The following OR2L13 variants were observed in gnomAD, a reference collection of about 807,000 sequenced individuals.
OR2L13 encodes olfactory receptor family 2 subfamily L member 13, also known as olfactory receptor 2L13.
A neutral mutation model predicts 15.3 loss-of-function variants in OR2L13; 14 were observed. That is an observed-to-expected ratio of 0.91 (90% CI 0.60 to 1.43). The LOEUF is 1.43. Ranked by LOEUF, OR2L13 falls within the 40% of genes most tolerant of loss-of-function variation. OR2L13 has a pLI of 0.00. For synonymous variants in OR2L13, 152 were observed against 142.9 expected, an observed-to-expected ratio of 1.06 and a Z score of -0.45; for missense variants, 367 against 387.9, an observed-to-expected ratio of 0.95 and a Z score of 0.45.
the OR2L13 span, among the ~76,000 whole-genome samples, chr1:247,987,356 T>C: frequency 1.4e-5 from 2 of 141,048 alleles, no homozygotes; most frequent in African/African-American, 6.5e-5. Flanking sequence ...TTAAGATAAC[T>C]TTTTTTCTTC....
At chr1:248,018,138 G>C in the OR2L13 span, among the ~76,000 whole-genome samples, 2 of 146,746 alleles carry the variant, frequency 1.4e-5, no homozygotes, top group East Asian at 4.0e-4. Flanking sequence ...CTAGGCGACA[G>C]AGCGACTCCA....
chr1:247,965,698 G>A, the OR2L13 span: 1 of 1,555,488 alleles, frequency 6.4e-7, no homozygotes, highest in African/African-American at 1.4e-5. Flanking sequence ...CTTGGCCCTT[G>A]GTGGAACTGA....
At chr1:248,015,832 G>A in the OR2L13 span, among the ~76,000 whole-genome samples, 8 of 152,104 alleles carry the variant, frequency 5.3e-5, no homozygotes, top group Non-Finnish European at 1.0e-4. Flanking sequence ...AACTTTAAGA[G>A]GAACAGCCAT....
chr1:248,022,856 G>C, the OR2L13 span: 13 of 1,610,810 alleles, frequency 8.1e-6, no homozygotes, highest in South Asian at 1.3e-4. Flanking sequence ...TGACACGAGT[G>C]ATTCAGAATA....
chr1:247,961,803 G>T, the OR2L13 span, among the ~76,000 whole-genome samples: 1 of 152,102 alleles, frequency 6.6e-6, no homozygotes, highest in African/African-American at 2.4e-5. Context: ...TACATTTTTG[G>T]ATATTTGGTA....
At chr1:248,084,866 A>T in the OR2L13 span, among the ~76,000 whole-genome samples, 1 of 152,260 alleles carries the variant, frequency 6.6e-6, no homozygotes, top group Admixed American at 6.5e-5. Context: ...CATCTTTGAG[A>T]TGATACCTTG....
At chr1:248,042,515 TAAATAAAC>T in the OR2L13 span, among the ~76,000 whole-genome samples, 3 of 149,958 alleles carry the variant, frequency 2.0e-5, no homozygotes, top group Non-Finnish European at 4.4e-5. Flanking sequence ...TAATAAAAAA[TAAATAAAC>T]AAATAAATAA....
chr1:248,060,673 G>A, the OR2L13 span: 15 of 1,604,496 alleles, frequency 9.3e-6, no homozygotes, highest in African/African-American at 2.7e-5. Flanking sequence ...AAGAGCACAC[G>A]AATGCCCCAT....
chr1:248,079,374 C>T, the OR2L13 span, among the ~76,000 whole-genome samples: 915 of 152,094 alleles, frequency 6.0e-3, 16 homozygotes, highest in African/African-American at 0.021. Flanking sequence ...TGATTTTTCC[C>T]TAAATTGAGC....
chr1:248,075,207 C>CT, the OR2L13 span, among the ~76,000 whole-genome samples: 1 of 152,138 alleles, frequency 6.6e-6, no homozygotes, highest in Non-Finnish European at 1.5e-5. Context: ...TGAACTCATT[C>CT]TTTTTTATGG....
the OR2L13 span, among the ~76,000 whole-genome samples, chr1:247,945,636 CTT>C: frequency 2.6e-5 from 4 of 152,088 alleles, no homozygotes; most frequent in African/African-American, 9.7e-5. Context: ...GTCTAAGACT[CTT>C]TGTATGTGTC....
the OR2L13 span, among the ~76,000 whole-genome samples, chr1:248,048,230 CATATA>C: frequency 2.6e-5 from 4 of 152,196 alleles, no homozygotes; most frequent in Non-Finnish European, 5.9e-5. Flanking sequence ...CACATACACA[CATATA>C]AAGCAAATAT....
the OR2L13 span, among the ~76,000 whole-genome samples, chr1:247,982,043 C>T: frequency 6.6e-6 from 1 of 152,158 alleles, no homozygotes; most frequent in Admixed American, 6.5e-5. Flanking sequence ...TCTCAATCTC[C>T]TGACCTCGTG....
chr1:248,019,665 A>T, the OR2L13 span, among the ~76,000 whole-genome samples: 4 of 152,112 alleles, frequency 2.6e-5, no homozygotes, highest in Admixed American at 2.0e-4. Context: ...GTTTCCAAAA[A>T]ATATATTGCT....
chr1:248,045,557 G>A, the OR2L13 span, among the ~76,000 whole-genome samples: 1 of 152,150 alleles, frequency 6.6e-6, no homozygotes, highest in African/African-American at 2.4e-5. Flanking sequence ...TTTGTCTTCT[G>A]TCTTTTGAAG....
the OR2L13 span, chr1:247,990,262 GC>G: frequency 1.2e-6 from 1 of 863,546 alleles, no homozygotes; most frequent in East Asian, 2.4e-5. Flanking sequence ...TCATATGAAT[GC>G]TCCATGGAAA....
chr1:247,963,533 G>C, the OR2L13 span, among the ~76,000 whole-genome samples: 1 of 152,088 alleles, frequency 6.6e-6, no homozygotes, highest in African/African-American at 2.4e-5. Flanking sequence ...GAATATTCAA[G>C]GGCATTTTGA....
chr1:247,996,200 G>T, the OR2L13 span, among the ~76,000 whole-genome samples: 2 of 152,154 alleles, frequency 1.3e-5, no homozygotes, highest in East Asian at 3.9e-4. Context: ...AACCCTGTGG[G>T]CCTAAAACAA....
the OR2L13 span, among the ~76,000 whole-genome samples, chr1:247,977,161 C>A: frequency 6.6e-6 from 1 of 152,202 alleles, no homozygotes; most frequent in African/African-American, 2.4e-5. Context: ...TTCACATGCC[C>A]AGATGATGCT....
Sources: gnomAD v4.1 joint callset for allele counts (sites outside exome capture counted in the v4.1 genomes callset) on GRCh38, gnomAD v4.1.1 for gene constraint, MANE v1.5 for transcripts, NCBI Gene and HGNC (gene_info 2026-07-23, HGNC 2026-07-21) for gene names.